Variants in PTGS1 observed in about 807,000 individuals in gnomAD.
PTGS1 encodes the protein prostaglandin G/H synthase 1.
In PTGS1, 40 loss-of-function variants were observed where a neutral mutation model predicts 63.0. The ratio of observed to expected loss-of-function variants is 0.63; its 90% CI spans 0.49 to 0.83. The LOEUF is 0.83. Among genes scored for constraint, PTGS1 ranks in the 40% least tolerant of loss-of-function variants. PTGS1 has a pLI of 0.00. For synonymous variants in PTGS1, 298 were observed against 301.9 expected (o/e 0.99, Z 0.13); for missense variants, 709 against 786.5 (o/e 0.90, Z 1.18).
intron 9 of PTGS1, among the ~76,000 whole-genome samples, chr9:122,388,515 T>G (rs1231004402): frequency 6.6e-6 from 1 of 152,206 alleles, no homozygotes; most frequent in Admixed American, 6.5e-5. Context: ...TTTTTACATA[T>G]GCGGGAACTC....
chr9:122,380,714 A>G (rs1188741996), intron 5 of PTGS1, among the ~76,000 whole-genome samples: 2 of 152,218 alleles, frequency 1.3e-5, no homozygotes, highest in Non-Finnish European at 2.9e-5. Context: ...TTTTTCCAGA[A>G]AAAGCTTGCT....
At chr9:122,379,289 A>T (rs1389582442) in intron 5 of PTGS1, among the ~76,000 whole-genome samples, 2 of 152,206 alleles carry the variant, frequency 1.3e-5, no homozygotes, top group Non-Finnish European at 2.9e-5. Context: ...ATAGTTTTAC[A>T]TGCTTCACCA....
At chr9:122,386,875 T>C (rs1837906507) in intron 9 of PTGS1, 143 bp downstream of exon 9, 1 of 985,678 alleles carries the variant, frequency 1.0e-6, no homozygotes, top group South Asian at 1.7e-5. Flanking sequence ...GTGAGTTCAT[T>C]GGTTCATTTG....
Position 122,378,005 on chromosome 9 carries a change from C to G in PTGS1, c.201C>G (p.Asn67Lys). 6.2e-7 allele frequency: 1 copy of G among 1,612,804 alleles called. No individual in the cohort carries two copies. The highest frequency in any genetic ancestry group is 8.5e-7 in the Non-Finnish European group (1 of 1,179,874). The part of the protein sequence containing the change: ...DCTRTGYSGP[N>K]CTIPGLWTWL... ...CCCGCACGGGCTATTCCGGCCCCAA[C>G]TGCACCATCCGTGAGCTGGGCCTTC... The change falls in exon 3 of 11, where the codon AAC (asparagine) becomes AAG (lysine). Residue 67 changes from asparagine to lysine, a missense_variant. By Grantham distance (94) the Asn-to-Lys change is moderately conservative. Coordinates refer to ENST00000362012, the MANE Select transcript of PTGS1 (RefSeq NM_000962.4).
chr9:122,376,414 G>A (rs1490608844), intron 2 of PTGS1, among the ~76,000 whole-genome samples: 2 of 149,110 alleles, frequency 1.3e-5, no homozygotes, highest in Non-Finnish European at 1.5e-5. Flanking sequence ...TGCCGTCTTC[G>A]AAGTGGGGAC....
intron 2 of PTGS1, chr9:122,375,545 C>A: frequency 1.1e-6 from 1 of 928,234 alleles, no homozygotes; most frequent in Non-Finnish European, 1.3e-6. Flanking sequence ...CAACTGTGTG[C>A]ATAGCCTGTG....
intron 7 of PTGS1, among the ~76,000 whole-genome samples, chr9:122,382,114 AG>A (rs1479986140): frequency 1.3e-5 from 2 of 152,248 alleles, no homozygotes. Flanking sequence ...AAAAAACCAC[AG>A]GCAAACTCTA....
At chr9:122,377,780 T>C in intron 2 of PTGS1, 119 bp from the exon 3 acceptor site, 1 of 857,760 alleles carries the variant, frequency 1.2e-6, no homozygotes, top group East Asian at 2.5e-5. Context: ...CACCCAGTGA[T>C]TCAGGACGGA....
Position 122,371,264 on chromosome 9 carries a change from C to T in PTGS1, c.86C>T (p.Pro29Leu). The T allele has an allele frequency of 6.2e-7, 1 of 1,605,252 alleles. No individual in the cohort carries two copies. Residue 29 changes from proline to leucine, a missense_variant, in exon 2 of 11, where the codon CCC becomes CTC. Transcript: ENST00000362012. ...GTCCTGCTCGCGGACCCAGGGGCGC[C>T]CACGCCAGGTAGGCGGCCCCATCCC... ...LPVLLADPGA[P>L]TPVNPCCYYP...
rs1422018575 is a variant in PTGS1 at position 122,375,231 on chromosome 9, A to G, written c.95-2668A>G. The G allele has an allele frequency of 1.3e-5, 12 of 932,250 alleles. No individual in the cohort carries two copies. The East Asian group carries it at 9.7e-4, about 75-fold the overall frequency. The allele number at this position is 932,250 out of a possible 1,614,324, so 57.7% of individuals were successfully genotyped here. ...GGGGAGGCGGGAGGGGGGAAGCTGG[A>G]TGGGCCGGACTGGGAGGGAGGAGCC... On this transcript the variant is annotated intron_variant, in intron 2 of 10. Coordinates refer to ENST00000362012, the MANE Select transcript of PTGS1 (RefSeq NM_000962.4).
chr9:122,393,876 A>C lies in PTGS1; in HGVS notation c.*1332A>C, dbSNP rs199876658. On this transcript the variant is annotated 3_prime_UTR_variant, in exon 11 of 11. Coordinates refer to ENST00000362012, the MANE Select transcript of PTGS1 (RefSeq NM_000962.4). ...AATGGTGGAGTGTAGCCTCCACCTG[A>C]TATTCAGGCTACTCATTCAGTCCCA... 19 of 152,172 alleles carry C rather than the reference A, an allele frequency of 1.2e-4. No homozygotes were observed. The highest frequency in any genetic ancestry group is 2.5e-4 in the Non-Finnish European group (17 of 68,024). 9.4% of individuals were successfully genotyped at this position (152,172 alleles called of 1,614,324 possible). A position where few individuals can be genotyped will look rare whatever the true frequency, so the allele number is the denominator to read the frequency against.
intron 5 of PTGS1, among the ~76,000 whole-genome samples, chr9:122,380,527 G>C (rs557032101): frequency 6.6e-6 from 1 of 152,092 alleles, no homozygotes; most frequent in South Asian, 2.1e-4. Context: ...GCAAACTACA[G>C]CCTGCAGGCC....
Position 122,371,268 on chromosome 9 carries a change from G to T in PTGS1, c.90G>T (p.Thr30=), listed in dbSNP as rs761424002. 3 of 1,604,322 alleles carry T rather than the reference G, an allele frequency of 1.9e-6. No individual in the cohort carries two copies. The highest frequency in any genetic ancestry group is 2.2e-5 in the East Asian group (1 of 44,884). The change falls in exon 2 of 11, where the codon ACG becomes ACT. Residue 30 remains threonine (T), a synonymous_variant. Transcript: ENST00000362012. ...PVLLADPGAP[T]PVNPCCYYPC... is the part of the protein sequence containing the mutation. ...TGCTCGCGGACCCAGGGGCGCCCAC[G>T]CCAGGTAGGCGGCCCCATCCCTCCC...
At chr9:122,383,816 G>T in intron 8 of PTGS1, 61 bp downstream of exon 8, 2 of 1,573,884 alleles carry the variant, frequency 1.3e-6, no homozygotes, top group Non-Finnish European at 1.7e-6. Context: ...AGAAGTTGGG[G>T]GCGGGGGGGT....
At chr9:122,378,368 T>C in intron 3 of PTGS1, 65 bp from the exon 4 acceptor site, 1 of 1,604,072 alleles carries the variant, frequency 6.2e-7, no homozygotes, top group Non-Finnish European at 8.5e-7. Flanking sequence ...TGCCCCATCT[T>C]CCACCCTGGC....
At chr9:122,391,753 G>T (rs923576914) in intron 10 of PTGS1, among the ~76,000 whole-genome samples, 2 of 152,086 alleles carry the variant, frequency 1.3e-5, no homozygotes, top group African/African-American at 2.4e-5. Context: ...CTGAATTTCT[G>T]TGTGAGCTCG....
Position 122,378,820 on chromosome 9 carries a change from A to T in PTGS1, c.398A>T (p.His133Leu). 11 of 1,614,244 alleles carry T rather than the reference A, an allele frequency of 6.8e-6. No homozygotes were observed. The highest frequency in any genetic ancestry group is 9.3e-6 in the Non-Finnish European group (11 of 1,180,046). ...IPSPPTYNSA[H>L]DYISWESFSN... ...AGTCCCCCCACCTACAACTCAGCACATGACTACATCAGCTGGGAGTCTTTC... is the reference window on the plus strand; with the variant it reads ...AGTCCCCCCACCTACAACTCAGCACTTGACTACATCAGCTGGGAGTCTTTC... Residue 133 changes from histidine to leucine, a missense_variant, in exon 5 of 11, where the codon CAT becomes CTT. Transcript: ENST00000362012.
chr9:122,389,148 CTTTTTT>C (rs11313763), intron 9 of PTGS1, among the ~76,000 whole-genome samples: 1 of 81,522 alleles, frequency 1.2e-5, no homozygotes. Context: ...CTTTTCTTTC[CTTTTTT>C]TTTTTTTTTT....
At chr9:122,378,347 C>T (rs1837303788) in intron 3 of PTGS1, 86 bp from the exon 4 acceptor site, 2 of 1,582,034 alleles carry the variant, frequency 1.3e-6, no homozygotes, top group South Asian at 1.1e-5. Flanking sequence ...CACCCTGGCC[C>T]TTGTCCTCAG....
Sources: gnomAD v4.1 joint callset for allele counts (sites outside exome capture counted in the v4.1 genomes callset) on GRCh38, gnomAD v4.1.1 for gene constraint, MANE v1.5 for transcripts, NCBI Gene and HGNC (gene_info 2026-07-23, HGNC 2026-07-21) for gene names.